The following TRIM2 variants were observed in gnomAD, a reference collection of about 807,000 sequenced individuals.
TRIM2 encodes the protein tripartite motif containing 2.
A neutral mutation model predicts 75.2 loss-of-function variants in TRIM2; 20 were observed. The ratio of observed to expected loss-of-function variants is 0.27; its 90% CI spans 0.19 to 0.39. The LOEUF is 0.39. TRIM2 is among the 10% of genes least tolerant of loss of function. The pLI, the probability that TRIM2 is intolerant of heterozygous loss-of-function variation, is 1.00. For synonymous variants in TRIM2, 373 were observed against 388.3 expected (o/e 0.96, Z 0.46); for missense variants, 660 against 990.8 (o/e 0.67, Z 4.48).
intron 1 of TRIM2, among the ~76,000 whole-genome samples, chr4:153,211,188 G>C (rs1736898910): frequency 6.6e-6 from 1 of 152,194 alleles, no homozygotes; most frequent in Non-Finnish European, 1.5e-5. Flanking sequence ...TTTGGGGGCA[G>C]GGTCCTTGAG....
chr4:153,220,842 T>C (rs1190688523), intron 1 of TRIM2, among the ~76,000 whole-genome samples: 14 of 152,108 alleles, frequency 9.2e-5, no homozygotes, highest in Admixed American at 9.2e-4. Context: ...CATAATGAAA[T>C]ACCACTTCAC....
intron 1 of TRIM2, among the ~76,000 whole-genome samples, chr4:153,185,603 C>T (rs1732519339): frequency 6.6e-6 from 1 of 152,068 alleles, no homozygotes; most frequent in Admixed American, 6.5e-5. Flanking sequence ...TGAAAAGAGC[C>T]AGGTCTCACT....
intron 3 of TRIM2, among the ~76,000 whole-genome samples, chr4:153,281,568 GAGT>G (rs1759347518): frequency 6.6e-6 from 1 of 152,186 alleles, no homozygotes; most frequent in African/African-American, 2.4e-5. Flanking sequence ...TAGTTGCTGT[GAGT>G]AGATCTTTAA....
At chr4:153,264,327 G>A (rs1220464093) in intron 1 of TRIM2, among the ~76,000 whole-genome samples, 1 of 152,042 alleles carries the variant, frequency 6.6e-6, no homozygotes, top group Non-Finnish European at 1.5e-5. Context: ...CTGGCTTTTT[G>A]TCAATGTGTC....
rs961206561 is a variant in TRIM2 at position 153,270,395 on chromosome 4, G to A, written c.91G>A (p.Glu31Lys). ...ATGTCAGTGGTCTAGGATGGCCAGT[G>A]AAGGCACCAACATCCCAAGTCCTGT... Reference protein sequence around the residue: ...PPCQWSRMASEGTNIPSPVVR... With the variant: ...PPCQWSRMASKGTNIPSPVVR... Residue 31 changes from glutamate (E) to lysine (K), a missense_variant, in exon 2 of 12, where the codon GAA becomes AAA. By Grantham distance (56) the Glu-to-Lys change is moderately conservative. Around this residue, in one of 2 missense-constraint regions of TRIM2, gnomAD observed 620 missense variants for 891.0 expected, o/e 0.70. Transcript: ENST00000338700. The A allele has an allele frequency of 3.1e-6, 5 of 1,613,952 alleles. No homozygotes were observed. The African/African-American group carries it at 5.3e-5, about 17-fold the overall frequency.
At chr4:153,177,700 T>C (rs1168852852) in intron 1 of TRIM2, among the ~76,000 whole-genome samples, 2 of 147,424 alleles carry the variant, frequency 1.4e-5, no homozygotes, top group African/African-American at 5.0e-5. Flanking sequence ...GAATGGATGG[T>C]GGCTCGCTCC....
At position 153,244,360 on chromosome 4, in the gene TRIM2, C is replaced by CTTCTTCTTCCTG; in HGVS notation, c.31-25966_31-25965insCTGTTCTTCTTC. On this transcript the variant is annotated intron_variant, in intron 1 of 11. Transcript: ENST00000338700. The stretch of plus-strand genomic sequence containing the variant: ...TCTTCTTCTTCTTCTTCTTCCTCTT[C>CTTCTTCTTCCTG]TTCTTCTTCTTCTTCTTCTTCTTCT... Among the ~76,000 whole-genome samples, 2 of 28,746 alleles carry CTTCTTCTTCCTG rather than the reference C, an allele frequency of 7.0e-5. 1 individual carries two copies. Among genetic ancestry groups the CTTCTTCTTCCTG allele is most frequent in the South Asian group, 3.2e-3 (2 of 616 alleles). 18.9% of individuals were successfully genotyped at this position (28,746 alleles called of 152,430 possible).
intron 2 of TRIM2, among the ~76,000 whole-genome samples, chr4:153,272,044 G>A (rs1198875299): frequency 1.3e-5 from 2 of 152,214 alleles, no homozygotes; most frequent in Non-Finnish European, 2.9e-5. Flanking sequence ...CCAATAGCTG[G>A]TGGTAGAGAT....
intron 6 of TRIM2, among the ~76,000 whole-genome samples, chr4:153,300,630 C>T (rs373638563): frequency 2.2e-4 from 33 of 152,136 alleles, no homozygotes; most frequent in Middle Eastern, 3.4e-3. Flanking sequence ...TAACCTCTGC[C>T]TCCCAGTTTT....
At chr4:153,277,644 G>A (rs527732149) in intron 3 of TRIM2, among the ~76,000 whole-genome samples, 2 of 152,330 alleles carry the variant, frequency 1.3e-5, no homozygotes, top group Admixed American at 1.3e-4. Flanking sequence ...AGAAACTGAG[G>A]CTGAAACAGT....
At chr4:153,170,951 A>C (rs1001540588) in intron 1 of TRIM2, among the ~76,000 whole-genome samples, 4 of 152,140 alleles carry the variant, frequency 2.6e-5, no homozygotes, top group Non-Finnish European at 4.4e-5. Flanking sequence ...CTTACTTTAC[A>C]CTCATAACTA....
At chr4:153,193,624 A>G (rs754661772) in intron 1 of TRIM2, among the ~76,000 whole-genome samples, 5 of 152,222 alleles carry the variant, frequency 3.3e-5, no homozygotes, top group Admixed American at 6.5e-5. Context: ...GGGTAGGACT[A>G]TTATCTTCCC....
At chr4:153,320,123 T>C (rs1482168283) in intron 8 of TRIM2, among the ~76,000 whole-genome samples, 1 of 152,206 alleles carries the variant, frequency 6.6e-6, no homozygotes, top group Non-Finnish European at 1.5e-5. Context: ...CATTTAGACA[T>C]GAAACAACAA....
chr4:153,206,685 C>T (rs1338848464), intron 1 of TRIM2, among the ~76,000 whole-genome samples: 4 of 152,098 alleles, frequency 2.6e-5, no homozygotes. Context: ...TCTTTGCTCC[C>T]TGGAAACAGG....
At chr4:153,153,635 GT>G (rs1196446511) in intron 1 of TRIM2, among the ~76,000 whole-genome samples, 1 of 152,240 alleles carries the variant, frequency 6.6e-6, no homozygotes, top group Non-Finnish European at 1.5e-5. Context: ...GAGAAGGCGC[GT>G]TTTACGGTTG....
At chr4:153,312,098 T>C (rs1397875584) in intron 6 of TRIM2, among the ~76,000 whole-genome samples, 1 of 126,918 alleles carries the variant, frequency 7.9e-6, no homozygotes. Flanking sequence ...CAGAGTGTGA[T>C]GTTCCCCTTC....
At position 153,295,305 on chromosome 4, in the gene TRIM2, T is replaced by TC. The variant is rs1762556660; in HGVS notation, c.787-5dup. 6.3e-7 allele frequency: 1 copy of TC among 1,576,378 alleles called. No individual in the cohort carries two copies. The highest frequency in any genetic ancestry group is 1.3e-5 in the African/African-American group (1 of 74,244). ...GACGAGCTCACCAGGCCTCCGGTTT[T>TC]CCCGCAGGTCCTCCAGTCGCAGCTG... On this transcript the variant is annotated splice_polypyrimidine_tract_variant and splice_region_variant and intron_variant, in intron 5 of 11. Coordinates refer to ENST00000338700, the MANE Select transcript of TRIM2 (RefSeq NM_015271.5). This position sits in a 1 kb window ranked among gnomAD's most constrained non-coding sequence, Gnocchi z 7.2.
Position 153,315,686 on chromosome 4 carries a change from GA to G in TRIM2, c.1614+104del, listed in dbSNP as rs564772703. Reference sequence around the variant, plus strand: ...TTAGACTTCAGATACATGGTGTAAGGAAAAAAGCTTATGTTTATGTAGACTT... The same window carrying G: ...TTAGACTTCAGATACATGGTGTAAGGAAAAAGCTTATGTTTATGTAGACTT... On this transcript the variant is annotated intron_variant, in intron 7 of 11. Transcript: ENST00000338700. 72 of 1,440,572 alleles carry G rather than the reference GA, an allele frequency of 5.0e-5. No individual in the cohort carries two copies. In the African/African-American group the frequency reaches 5.4e-4, roughly 11 times the overall value. The allele number at this position is 1,440,572 out of a possible 1,614,324, so 89.2% of individuals were successfully genotyped here.
chr4:153,287,273 T>C (rs1579355897), intron 3 of TRIM2, among the ~76,000 whole-genome samples: 1 of 152,262 alleles, frequency 6.6e-6, no homozygotes, highest in South Asian at 2.1e-4. Context: ...AGCCACCATA[T>C]CTGGGCCATC....
Sources: gnomAD v4.1 joint callset for allele counts (sites outside exome capture counted in the v4.1 genomes callset) on GRCh38, gnomAD v4.1.1 for gene constraint, gnomAD v4.1.1 regional missense constraint, Gnocchi (gnomAD v3.1) non-coding constraint, MANE v1.5 for transcripts, NCBI Gene and HGNC (gene_info 2026-07-23, HGNC 2026-07-21) for gene names.